TENM4: variants seen among roughly 807,000 people sequenced by gnomAD.
The protein encoded by TENM4 is teneurin-4.
Under a neutral mutation model 243.3 loss-of-function variants are expected in TENM4, and 82 were observed. The observed-to-expected ratio is 0.34, with a 90% CI of 0.28 to 0.40. The LOEUF (loss-of-function observed/expected upper bound fraction) is 0.40, where lower values mean the gene tolerates loss of function less well. Among genes scored for constraint, TENM4 ranks in the 10% least tolerant of loss-of-function variants. The pLI, the probability that TENM4 is intolerant of heterozygous loss-of-function variation, is 1.00. For synonymous variants in TENM4, 1,412 were observed against 1,456.3 expected, an observed-to-expected ratio of 0.97 and a Z score of 0.69; for missense variants, 3,138 against 3,673.3, an observed-to-expected ratio of 0.85 and a Z score of 3.77.
chr11:79,296,528 A>C (rs1210234920), intron 2 of TENM4, among the ~76,000 whole-genome samples: 1 of 152,246 alleles, frequency 6.6e-6, no homozygotes, highest in Non-Finnish European at 1.5e-5. Context: ...AATCCCTTGC[A>C]GAAAATTATC....
chr11:78,802,864 T>C (rs1262328696), intron 15 of TENM4, among the ~76,000 whole-genome samples: 1 of 152,234 alleles, frequency 6.6e-6, no homozygotes, highest in Non-Finnish European at 1.5e-5. Context: ...ATTTATAGGA[T>C]AGAGATTTAA....
At position 78,653,106 on chromosome 11, in the gene TENM4, C is replaced by T. The variant is rs901743760; in HGVS notation, c.*4952G>A. The T allele has an allele frequency of 1.3e-5, 2 of 152,242 alleles. No individual in the cohort carries two copies. Among genetic ancestry groups the T allele is most frequent in the Non-Finnish European group, 2.9e-5 (2 of 68,058 alleles). 9.4% of individuals were successfully genotyped at this position (152,242 alleles called of 1,614,324 possible). A position where few individuals can be genotyped will look rare whatever the true frequency, so the allele number is the denominator to read the frequency against. ...AGGGTCTTAGAGACCCTCTGGACAT[C>T]CCTCTTGACAGAGCTGCAGCCTGGA... On this transcript the variant is annotated 3_prime_UTR_variant, in exon 34 of 34. Coordinates refer to ENST00000278550, the MANE Select transcript of TENM4 (RefSeq NM_001098816.3).
chr11:79,285,411 T>C (rs1565283423), intron 2 of TENM4, among the ~76,000 whole-genome samples: 1 of 152,162 alleles, frequency 6.6e-6, no homozygotes, highest in Non-Finnish European at 1.5e-5. Flanking sequence ...GCTGGTGGTA[T>C]TGTGAAATGG....
chr11:79,279,472 A>T (rs977854944), intron 2 of TENM4, among the ~76,000 whole-genome samples: 4 of 152,166 alleles, frequency 2.6e-5, no homozygotes, highest in African/African-American at 9.7e-5. Context: ...TAGCTTCATA[A>T]ATAATTATGT....
intron 4 of TENM4, among the ~76,000 whole-genome samples, chr11:79,099,480 T>A (rs1861167897): frequency 6.6e-6 from 1 of 152,124 alleles, no homozygotes; most frequent in Non-Finnish European, 1.5e-5. Flanking sequence ...CTCCCCTGGG[T>A]CTATATCAAA....
chr11:78,798,402 A>G (rs939175217), intron 15 of TENM4, among the ~76,000 whole-genome samples: 3 of 151,950 alleles, frequency 2.0e-5, no homozygotes, highest in Admixed American at 1.3e-4. Context: ...AGGGGAGGAG[A>G]TTAATAGAGA....
chr11:79,059,307 T>C (rs1860026969), intron 6 of TENM4, among the ~76,000 whole-genome samples: 1 of 152,186 alleles, frequency 6.6e-6, no homozygotes, highest in Non-Finnish European at 1.5e-5. Flanking sequence ...CAATTGTCTC[T>C]ATTGGGAATG....
intron 1 of TENM4, among the ~76,000 whole-genome samples, chr11:79,414,825 A>C (rs894292553): frequency 5.3e-5 from 8 of 152,182 alleles, no homozygotes; most frequent in African/African-American, 1.9e-4. Flanking sequence ...AAAATGTCAA[A>C]ACCTTGGCCG....
At chr11:78,780,492 AT>A (rs200249888) in intron 16 of TENM4, among the ~76,000 whole-genome samples, 58 of 151,790 alleles carry the variant, frequency 3.8e-4, no homozygotes, top group African/African-American at 1.2e-3. Flanking sequence ...GTGAGCCTAG[AT>A]TTTTTTTTCC....
At chr11:79,203,613 G>T (rs1050633560) in intron 3 of TENM4, among the ~76,000 whole-genome samples, 1 of 152,176 alleles carries the variant, frequency 6.6e-6, no homozygotes, top group Admixed American at 6.5e-5. Context: ...ACAATATACA[G>T]TCAGACATCT....
intron 1 of TENM4, among the ~76,000 whole-genome samples, chr11:79,334,073 G>T (rs934507733): frequency 4.6e-5 from 7 of 152,202 alleles, no homozygotes; most frequent in African/African-American, 1.7e-4. Flanking sequence ...CAGCAACACC[G>T]AGCATGGCAA....
At chr11:79,360,176 C>T (rs1414205741) in intron 1 of TENM4, among the ~76,000 whole-genome samples, 1 of 152,118 alleles carries the variant, frequency 6.6e-6, no homozygotes, top group African/African-American at 2.4e-5. Flanking sequence ...CTGACTTCTC[C>T]ATTAATTCCA....
rs182601907 is a variant in TENM4, at chr11:78,954,821, A to T, written c.494-51298T>A. ...GGGCACACCGCTGTGGCACAGACTA[A>T]GACAGTGACACAGAAATGAATATGG... On this transcript the variant is annotated intron_variant, in intron 6 of 33. Coordinates refer to ENST00000278550, the MANE Select transcript of TENM4 (RefSeq NM_001098816.3). 6.6e-5 allele frequency among the ~76,000 whole-genome samples: 10 copies of T among 152,390 alleles called. No homozygotes were observed. In the East Asian group the frequency reaches 1.9e-3, roughly 29 times the overall value.
chr11:78,671,600 A>G (rs1858327131), intron 31 of TENM4, among the ~76,000 whole-genome samples: 1 of 152,220 alleles, frequency 6.6e-6, no homozygotes, highest in Admixed American at 6.5e-5. Context: ...CTAGAGCAGA[A>G]TAGATTTACT....
Position 78,669,587 on chromosome 11 carries a change from T to C in TENM4, c.6758A>G (p.Tyr2253Cys). The C allele has an allele frequency of 6.2e-7, 1 of 1,613,988 alleles. No homozygotes were observed. Among genetic ancestry groups the C allele is most frequent in the Admixed American group, 1.7e-5 (1 of 60,014 alleles). Reference protein sequence around the residue: ...DRITRLGDVQYKMDEDGFLRQ... With the variant: ...DRITRLGDVQCKMDEDGFLRQ... ...CAGGAAGCCATCCTCATCCATCTTG[T>C]ATTGCACGTCACCCAGCCGAGTGAT... Residue 2253 changes from tyrosine to cysteine, a missense_variant, in exon 32 of 34, where the codon TAC becomes TGC. By Grantham distance (194) the Tyr-to-Cys change is radical (BLOSUM62 -2). Around this residue, in one of 2 missense-constraint regions of TENM4, gnomAD observed 2,467 missense variants for 3,059.1 expected, o/e 0.81. Coordinates refer to ENST00000278550, the MANE Select transcript of TENM4 (RefSeq NM_001098816.3). This position sits in a 1 kb window ranked among gnomAD's most constrained non-coding sequence, Gnocchi z 6.4.
At chr11:79,006,545 G>A (rs1328805449) in intron 6 of TENM4, among the ~76,000 whole-genome samples, 1 of 152,180 alleles carries the variant, frequency 6.6e-6, no homozygotes, top group African/African-American at 2.4e-5. Context: ...ATGAGGTGTA[G>A]ACGTGATTCT....
chr11:79,330,266 T>C (rs1857040790), intron 1 of TENM4, among the ~76,000 whole-genome samples: 1 of 152,218 alleles, frequency 6.6e-6, no homozygotes, highest in Non-Finnish European at 1.5e-5. Flanking sequence ...GCCTTGCTAA[T>C]GGACTGGCCA....
At chr11:78,909,062 A>T (rs1413501689) in intron 6 of TENM4, among the ~76,000 whole-genome samples, 1 of 152,188 alleles carries the variant, frequency 6.6e-6, no homozygotes. Flanking sequence ...CATCTATAAA[A>T]TGTATATATA....
chr11:79,061,150 G>A (rs1339639053), intron 6 of TENM4, among the ~76,000 whole-genome samples: 2 of 152,222 alleles, frequency 1.3e-5, no homozygotes, highest in Non-Finnish European at 2.9e-5. Context: ...TCCGCTATAA[G>A]TTGGGGAGAT....
Sources: gnomAD v4.1 joint callset for allele counts (sites outside exome capture counted in the v4.1 genomes callset) on GRCh38, gnomAD v4.1.1 for gene constraint, gnomAD v4.1.1 regional missense constraint, Gnocchi (gnomAD v3.1) non-coding constraint, MANE v1.5 for transcripts, NCBI Gene and HGNC (gene_info 2026-07-23, HGNC 2026-07-21) for gene names.